The following CSNK2A1 variants were observed in gnomAD, a reference collection of about 807,000 sequenced individuals.
CSNK2A1 encodes the protein casein kinase II subunit alpha.
A neutral mutation model predicts 62.9 loss-of-function variants in CSNK2A1; 10 were observed. The ratio of observed to expected loss-of-function variants is 0.16; its 90% CI spans 0.10 to 0.27. The LOEUF is 0.27. Among genes scored for constraint, CSNK2A1 ranks in the 10% least tolerant of loss-of-function variants. The probability of loss-of-function intolerance (pLI) is 1.00; values close to 1 mark genes in which losing one functional copy is unlikely to be tolerated. For synonymous variants in CSNK2A1, 124 were observed against 167.8 expected, an observed-to-expected ratio of 0.74 and a Z score of 2.02; for missense variants, 160 against 492.0, an observed-to-expected ratio of 0.33 and a Z score of 6.38.
rs567138552 is a variant in CSNK2A1, at chr20:521,217, C to T, written c.-110+6716G>A. Among the ~76,000 whole-genome samples the T allele has an allele frequency of 1.6e-3, 238 of 152,168 alleles. 1 individual carries two copies. The highest frequency in any genetic ancestry group is 5.6e-3 in the African/African-American group (231 of 41,520). On this transcript the variant is annotated intron_variant, in intron 2 of 13. Coordinates refer to ENST00000217244, the MANE Select transcript of CSNK2A1 (RefSeq NM_177559.3). ...AACTTGTATCTGTAACATTAAAAAA[C>T]TCAATAAGAAAACAGCTCAATTTAA...
At chr20:503,606 A>G (rs2018513826) in intron 4 of CSNK2A1, 2 of 398,194 alleles carry the variant, frequency 5.0e-6, no homozygotes, top group Admixed American at 4.4e-5. Flanking sequence ...ATTGTGTTAC[A>G]CTCCTCGTGA....
At position 477,300 on chromosome 20, in the gene CSNK2A1, T is replaced by A. The variant is rs2017865554; in HGVS notation, c.*6661A>T. 6.6e-6 allele frequency: 1 copy of A among 152,274 alleles called. No individual in the cohort carries two copies. Among genetic ancestry groups the A allele is most frequent in the African/African-American group, 2.4e-5 (1 of 41,454 alleles). The allele number at this position is 152,274 out of a possible 1,614,324, so 9.4% of individuals were successfully genotyped here. On this transcript the variant is annotated 3_prime_UTR_variant, in exon 14 of 14. Transcript: ENST00000217244. ...GCCTTGACTTCTTGGGCTCAGGCAA[T>A]TAATTCTCGTCCTTTGGCCTCCCCA...
At chr20:536,242 TAAG>T (rs2019321258) in intron 1 of CSNK2A1, among the ~76,000 whole-genome samples, 1 of 151,964 alleles carries the variant, frequency 6.6e-6, no homozygotes, top group Non-Finnish European at 1.5e-5. Flanking sequence ...ATTAAAAAAA[TAAG>T]AACTCTTGGC....
chr20:492,381 C>T lies in CSNK2A1; in HGVS notation c.511-17G>A. ...TAGTCGTAGCTGAAAAAGAATAAAC[C>T]ATGAGCAATCTTATCTTTCTCTAAG... On this transcript the variant is annotated splice_polypyrimidine_tract_variant and intron_variant, in intron 8 of 13. Transcript: ENST00000217244. 1 of 1,612,602 alleles carries T rather than the reference C, an allele frequency of 6.2e-7. No homozygotes were observed. Among genetic ancestry groups the T allele is most frequent in the Middle Eastern group, 1.7e-4 (1 of 6,056 alleles).
At chr20:500,057 A>T in intron 4 of CSNK2A1, 123 bp from the exon 5 acceptor site, 1 of 698,848 alleles carries the variant, frequency 1.4e-6, no homozygotes, top group South Asian at 1.8e-5. Context: ...AAGGAAGAAA[A>T]TGTGTCACAT....
intron 2 of CSNK2A1, among the ~76,000 whole-genome samples, chr20:524,421 C>CA (rs71191944): frequency 0.16 from 12,022 of 74,542 alleles, 674 homozygotes; most frequent in Middle Eastern, 0.23. Context: ...GGCTCCTTCT[C>CA]AAAAAAAAAA....
At chr20:485,066 CAAAAAAAAAAAAAAAAAAAAAAAA>C (rs1157352244) in intron 13 of CSNK2A1, among the ~76,000 whole-genome samples, 18 of 22,018 alleles carry the variant, frequency 8.2e-4, no homozygotes, top group African/African-American at 2.2e-3. Flanking sequence ...ACCTTGTCTC[CAAAAAAAAAAAAAAAAAAAAAAAA>C]AAAAAAAAAA....
At chr20:501,664 G>A (rs1450349140) in intron 4 of CSNK2A1, 1 of 152,140 alleles carries the variant, frequency 6.6e-6, no homozygotes, top group African/African-American at 2.4e-5. Flanking sequence ...TGGCCTGCGT[G>A]CCTGCTGTAC....
chr20:526,382 G>A (rs1002941536), intron 2 of CSNK2A1, among the ~76,000 whole-genome samples: 6 of 152,066 alleles, frequency 3.9e-5, no homozygotes, highest in Middle Eastern at 3.4e-3. Context: ...AGGCTGAAGC[G>A]GGAAGACTGC....
At chr20:519,729 TAAAGAAA>T (rs2018905443) in intron 2 of CSNK2A1, among the ~76,000 whole-genome samples, 1 of 151,852 alleles carries the variant, frequency 6.6e-6, no homozygotes, top group Non-Finnish European at 1.5e-5. Flanking sequence ...CAAATGTCTC[TAAAGAAA>T]AAAGAAAAAT....
At chr20:485,453 G>A (rs1221171625) in intron 13 of CSNK2A1, among the ~76,000 whole-genome samples, 2 of 152,068 alleles carry the variant, frequency 1.3e-5, no homozygotes, top group Non-Finnish European at 2.9e-5. Flanking sequence ...AAAGTGCTGG[G>A]ATTACAGGCA....
intron 1 of CSNK2A1, among the ~76,000 whole-genome samples, chr20:538,113 C>T: frequency 6.6e-6 from 1 of 152,096 alleles, no homozygotes; most frequent in East Asian, 1.9e-4. Flanking sequence ...CACGCACCTC[C>T]ACACTCAGCT....
chr20:533,057 C>G (rs2019246216), intron 1 of CSNK2A1, among the ~76,000 whole-genome samples: 1 of 152,100 alleles, frequency 6.6e-6, no homozygotes, highest in African/African-American at 2.4e-5. Flanking sequence ...TCTCTCTCAC[C>G]TATCATACTA....
chr20:530,657 TAG>T (rs2019194025), intron 1 of CSNK2A1, among the ~76,000 whole-genome samples: 1 of 152,026 alleles, frequency 6.6e-6, no homozygotes, highest in African/African-American at 2.4e-5. Context: ...GCATTTTTAG[TAG>T]AGACAGGGTT....
chr20:489,950 A>G, intron 9 of CSNK2A1, 69 bp from the exon 10 acceptor site: 2 of 1,232,560 alleles, frequency 1.6e-6, no homozygotes, highest in Non-Finnish European at 2.1e-6. Flanking sequence ...ATAAAAAATT[A>G]ATTTTTAAAA....
intron 4 of CSNK2A1, 70 bp from the exon 5 acceptor site, chr20:500,004 G>T: frequency 8.2e-7 from 1 of 1,221,960 alleles, no homozygotes; most frequent in Non-Finnish European, 1.2e-6. Context: ...AACACGTAGT[G>T]TAATACATAA....
At chr20:527,377 C>T (rs763493847) in intron 2 of CSNK2A1, among the ~76,000 whole-genome samples, 1 of 152,172 alleles carries the variant, frequency 6.6e-6, no homozygotes, top group African/African-American at 2.4e-5. Flanking sequence ...TGTCTTTGAA[C>T]TGCACAGATT....
intron 4 of CSNK2A1, among the ~76,000 whole-genome samples, chr20:503,919 T>A (rs887190561): frequency 6.6e-6 from 1 of 152,244 alleles, no homozygotes; most frequent in African/African-American, 2.4e-5. Flanking sequence ...GGCTCACGCC[T>A]GTAATCCCAG....
chr20:525,398 A>G (rs866363049), intron 2 of CSNK2A1, among the ~76,000 whole-genome samples: 1 of 152,098 alleles, frequency 6.6e-6, no homozygotes, highest in Admixed American at 6.5e-5. Context: ...CACGCCTGTA[A>G]TCCCAGCACT....
Sources: gnomAD v4.1 joint callset for allele counts (sites outside exome capture counted in the v4.1 genomes callset) on GRCh38, gnomAD v4.1.1 for gene constraint, MANE v1.5 for transcripts, NCBI Gene and HGNC (gene_info 2026-07-23, HGNC 2026-07-21) for gene names.